PCSK2: variants seen among roughly 807,000 people sequenced by gnomAD.
The protein encoded by PCSK2 is proprotein convertase subtilisin/kexin type 2.
A neutral mutation model predicts 69.7 loss-of-function variants in PCSK2; 14 were observed. The ratio of observed to expected loss-of-function variants is 0.20; its 90% CI spans 0.13 to 0.31. The LOEUF is 0.31. Ranked by LOEUF, PCSK2 falls within the 10% of genes least tolerant of loss-of-function variation. The pLI is 1.00. For missense variants in PCSK2, 544 were observed against 842.5 expected, an observed-to-expected ratio of 0.65 and a Z score of 4.39; for synonymous variants, 307 against 320.7, an observed-to-expected ratio of 0.96 and a Z score of 0.46.
In PCSK2 at chr20:17,328,008, C is replaced by A. The variant is rs148711138; in HGVS notation, c.283-30319C>A. Among the ~76,000 whole-genome samples, 588 of 152,222 alleles carry A rather than the reference C, an allele frequency of 3.9e-3. 4 individuals are homozygous for A. The highest frequency in any genetic ancestry group is 0.013 in the African/African-American group (551 of 41,522). ...CTGTGTTTGTTGAATCCTGAGCCTGCCTCTGCACCTAGAACAATCCCACCA... is the reference window on the plus strand; with the variant it reads ...CTGTGTTTGTTGAATCCTGAGCCTGACTCTGCACCTAGAACAATCCCACCA... On this transcript the variant is annotated intron_variant, in intron 2 of 11. Transcript: ENST00000262545.
intron 2 of PCSK2, among the ~76,000 whole-genome samples, chr20:17,353,322 G>A (rs1044643953): frequency 5.9e-5 from 9 of 151,970 alleles, no homozygotes; most frequent in African/African-American, 2.2e-4. Context: ...AAAATTAGCT[G>A]GGCGTGGTGG....
chr20:17,477,828 A>G (rs563312592), intron 11 of PCSK2, among the ~76,000 whole-genome samples: 4 of 152,308 alleles, frequency 2.6e-5, no homozygotes, highest in African/African-American at 7.2e-5. Context: ...TAAGTAGCAG[A>G]TTGACTTCGC....
In PCSK2 at chr20:17,314,795, G is replaced by T. The variant is rs191083321; in HGVS notation, c.283-43532G>T. 3.5e-4 allele frequency among the ~76,000 whole-genome samples: 53 copies of T among 152,112 alleles called. 1 individual carries two copies. Among genetic ancestry groups the T allele is most frequent in the Admixed American group, 2.8e-3 (43 of 15,284 alleles). ...GTGGCCTCAAAAATTGAATTTTCACGTGTTGTCTTTGCCACTTAACATTAT... is the reference window on the plus strand; with the variant it reads ...GTGGCCTCAAAAATTGAATTTTCACTTGTTGTCTTTGCCACTTAACATTAT... On this transcript the variant is annotated intron_variant, in intron 2 of 11. Coordinates refer to ENST00000262545, the MANE Select transcript of PCSK2 (RefSeq NM_002594.5).
intron 11 of PCSK2, among the ~76,000 whole-genome samples, chr20:17,476,358 A>G (rs2033289028): frequency 6.6e-6 from 1 of 152,206 alleles, no homozygotes; most frequent in South Asian, 2.1e-4. Context: ...ATATAATAAC[A>G]TATTAGATTA....
At chr20:17,469,738 C>T (rs2033168525) in intron 11 of PCSK2, among the ~76,000 whole-genome samples, 2 of 152,066 alleles carry the variant, frequency 1.3e-5, no homozygotes, top group Admixed American at 1.3e-4. Flanking sequence ...TTACTGATGA[C>T]AGGAGGTTGG....
chr20:17,265,560 G>GA, intron 2 of PCSK2, among the ~76,000 whole-genome samples: 1 of 152,264 alleles, frequency 6.6e-6, no homozygotes, highest in East Asian at 1.9e-4. Flanking sequence ...ACACAAAAGG[G>GA]AAAATAGCAT....
intron 1 of PCSK2, among the ~76,000 whole-genome samples, chr20:17,234,032 T>A (rs1986241875): frequency 1.3e-5 from 2 of 152,208 alleles, no homozygotes; most frequent in African/African-American, 4.8e-5. Context: ...GAAGACCTTA[T>A]ATGAGTGAGA....
At chr20:17,456,321 C>T in intron 9 of PCSK2, 27 bp from the exon 10 acceptor site, 1 of 1,277,982 alleles carries the variant, frequency 7.8e-7, no homozygotes, top group Non-Finnish European at 1.1e-6. Flanking sequence ...GATTTATCCA[C>T]TCATTACTCA....
intron 2 of PCSK2, among the ~76,000 whole-genome samples, chr20:17,313,641 T>C (rs2424067): frequency 0.078 from 11,806 of 152,086 alleles, 530 homozygotes; most frequent in East Asian, 0.11. Context: ...GCCTCCAAAG[T>C]TGCTTTAGAG....
intron 8 of PCSK2, among the ~76,000 whole-genome samples, chr20:17,446,530 C>G (rs956472899): frequency 2.0e-5 from 3 of 152,132 alleles, no homozygotes; most frequent in African/African-American, 4.8e-5. Flanking sequence ...AGACCGTGGA[C>G]AGTTTGCAAT....
intron 6 of PCSK2, among the ~76,000 whole-genome samples, chr20:17,414,920 A>G (rs1415408980): frequency 1.3e-5 from 2 of 152,222 alleles, no homozygotes; most frequent in African/African-American, 4.8e-5. Flanking sequence ...CATAAACAGA[A>G]CCAATGACAA....
chr20:17,246,837 T>C (rs1362151451), intron 1 of PCSK2, among the ~76,000 whole-genome samples: 2 of 151,284 alleles, frequency 1.3e-5, no homozygotes, highest in Non-Finnish European at 2.9e-5. Context: ...GTGATGGAAA[T>C]AGATACTTAA....
At chr20:17,433,540 T>G (rs927751424) in intron 7 of PCSK2, among the ~76,000 whole-genome samples, 1 of 152,086 alleles carries the variant, frequency 6.6e-6, no homozygotes, top group Admixed American at 6.5e-5. Context: ...GCAGCTCAAA[T>G]CCCCTGGACA....
chr20:17,293,376 G>A (rs1263147720), intron 2 of PCSK2, among the ~76,000 whole-genome samples: 1 of 152,146 alleles, frequency 6.6e-6, no homozygotes, highest in African/African-American at 2.4e-5. Context: ...ATGAATAATA[G>A]CTGTCAGTGT....
intron 1 of PCSK2, among the ~76,000 whole-genome samples, chr20:17,227,971 T>A (rs2122921233): frequency 6.6e-6 from 1 of 152,180 alleles, no homozygotes; most frequent in African/African-American, 2.4e-5. Context: ...CGGGAGGACT[T>A]CCCTCCCAGG....
intron 2 of PCSK2, among the ~76,000 whole-genome samples, chr20:17,345,182 G>T (rs141366611): frequency 1.3e-5 from 2 of 152,218 alleles, no homozygotes; most frequent in African/African-American, 4.8e-5. Context: ...AGGTGATATG[G>T]GTCATTGGAG....
intron 1 of PCSK2, among the ~76,000 whole-genome samples, chr20:17,238,650 A>G (rs948131672): frequency 3.3e-5 from 5 of 152,164 alleles, no homozygotes; most frequent in South Asian, 2.1e-4. Context: ...TGAGACTCCT[A>G]TAAGTGATTA....
At chr20:17,346,269 G>C (rs981661) in intron 2 of PCSK2, among the ~76,000 whole-genome samples, 138,479 of 152,220 alleles carry the variant, frequency 0.91, 63,163 homozygotes, top group South Asian at 0.96. Flanking sequence ...CTCTGTGGGC[G>C]CTGTTGGCTC....
At chr20:17,269,181 G>T (rs1379367253) in intron 2 of PCSK2, among the ~76,000 whole-genome samples, 1 of 152,138 alleles carries the variant, frequency 6.6e-6, no homozygotes, top group Non-Finnish European at 1.5e-5. Flanking sequence ...ATCTAGGAGA[G>T]AGGTCAGAGT....
Sources: gnomAD v4.1 joint callset for allele counts (sites outside exome capture counted in the v4.1 genomes callset) on GRCh38, gnomAD v4.1.1 for gene constraint, MANE v1.5 for transcripts, NCBI Gene and HGNC (gene_info 2026-07-23, HGNC 2026-07-21) for gene names.